Variants in KCNMB2 observed in about 807,000 individuals in gnomAD.
The protein encoded by KCNMB2 is potassium calcium-activated channel subfamily M regulatory beta subunit 2, also known as calcium-activated potassium channel subunit beta-2.
In KCNMB2, 9 loss-of-function variants were observed where a neutral mutation model predicts 24.5. The observed-to-expected ratio is 0.37, with a 90% CI of 0.22 to 0.64. The LOEUF is 0.64. Among genes scored for constraint, KCNMB2 ranks in the 30% least tolerant of loss-of-function variants. The pLI, the probability that KCNMB2 is intolerant of heterozygous loss-of-function variation, is 0.63. For synonymous variants in KCNMB2, 109 were observed against 104.4 expected (o/e 1.04, Z -0.27); for missense variants, 226 against 284.3 (o/e 0.79, Z 1.47).
intron 1 of KCNMB2, among the ~76,000 whole-genome samples, chr3:178,638,753 T>C (rs1034749164): frequency 2.0e-5 from 3 of 152,180 alleles, no homozygotes; most frequent in African/African-American, 7.2e-5. Context: ...TTTTCTTAGA[T>C]AGTAGAAAGA....
chr3:178,596,482 TA>T (rs1206884862), intron 1 of KCNMB2, among the ~76,000 whole-genome samples: 1 of 152,054 alleles, frequency 6.6e-6, no homozygotes, highest in Non-Finnish European at 1.5e-5. Context: ...AATGAACATA[TA>T]AATCCAAAGT....
chr3:178,814,512 G>A (rs957131936), intron 2 of KCNMB2, among the ~76,000 whole-genome samples: 2 of 152,134 alleles, frequency 1.3e-5, no homozygotes, highest in Admixed American at 6.5e-5. Context: ...TATGGTTGCT[G>A]GGTCAAATGG....
At chr3:178,756,918 C>A (rs1274740884) in intron 1 of KCNMB2, among the ~76,000 whole-genome samples, 1 of 151,796 alleles carries the variant, frequency 6.6e-6, no homozygotes, top group Non-Finnish European at 1.5e-5. Context: ...CTGGACAGCA[C>A]TTCAGCAGTA....
chr3:178,663,073 G>T (rs1720591826), intron 1 of KCNMB2, among the ~76,000 whole-genome samples: 1 of 152,128 alleles, frequency 6.6e-6, no homozygotes, highest in Non-Finnish European at 1.5e-5. Flanking sequence ...CTTATTCTGT[G>T]GGAGGGCTAG....
intron 1 of KCNMB2, among the ~76,000 whole-genome samples, chr3:178,746,422 T>C (rs1418042524): frequency 1.3e-5 from 2 of 152,104 alleles, no homozygotes; most frequent in Admixed American, 6.5e-5. Flanking sequence ...ATTTTCCTCC[T>C]AGGTCTCTGT....
intron 1 of KCNMB2, among the ~76,000 whole-genome samples, chr3:178,552,014 C>T (rs576624058): frequency 7.9e-5 from 12 of 152,284 alleles, no homozygotes; most frequent in African/African-American, 2.4e-4. Context: ...AGAGCTGCCA[C>T]ACCCAGAGCT....
Position 178,778,788 on chromosome 3 carries a change from G to A in KCNMB2, c.-67-28555G>A, listed in dbSNP as rs114061593. Among the ~76,000 whole-genome samples, 720 of 152,258 alleles carry A rather than the reference G, an allele frequency of 4.7e-3. 1 individual carries two copies. The highest frequency in any genetic ancestry group is 0.01 in the Middle Eastern group (3 of 294). ...GACTCCTGGCACCTGGCCACTGGGCGTTTCCTTACCACCACCTGCACAAGA... is the reference window on the plus strand; with the variant it reads ...GACTCCTGGCACCTGGCCACTGGGCATTTCCTTACCACCACCTGCACAAGA... On this transcript the variant is annotated intron_variant, in intron 1 of 4. Transcript: ENST00000452583.
At position 178,707,673 on chromosome 3, in the gene KCNMB2, C is replaced by T. The variant is rs145427033; in HGVS notation, c.-67-99670C>T. 2.5e-3 allele frequency among the ~76,000 whole-genome samples: 378 copies of T among 151,958 alleles called. 2 individuals carry two copies. The highest frequency in any genetic ancestry group is 7.9e-3 in the African/African-American group (328 of 41,396). ...CCCAGGCATAAGTAATTTTTAAAGG[C>T]GATGCTAATATGCAGCCAACAGTGA... is the stretch of plus-strand genomic sequence containing the variant. On this transcript the variant is annotated intron_variant, in intron 1 of 4. Transcript: ENST00000452583.
intron 1 of KCNMB2, among the ~76,000 whole-genome samples, chr3:178,792,228 A>G (rs7371788): frequency 0.14 from 21,424 of 152,224 alleles, 1,837 homozygotes; most frequent in Non-Finnish European, 0.18. Context: ...GAAATGACTA[A>G]AAGTTTAAAA....
chr3:178,539,678 C>T (rs759240988), intron 1 of KCNMB2, among the ~76,000 whole-genome samples: 7 of 152,046 alleles, frequency 4.6e-5, no homozygotes, highest in Middle Eastern at 3.2e-3. Context: ...CAGGGACTGA[C>T]TCCTACCTCT....
At chr3:178,573,096 G>A (rs191506744) in intron 1 of KCNMB2, among the ~76,000 whole-genome samples, 4 of 151,596 alleles carry the variant, frequency 2.6e-5, no homozygotes, top group East Asian at 3.9e-4. Flanking sequence ...TGCAACTTTC[G>A]CCTCCCGGGT....
chr3:178,594,295 T>C (rs1717786484), intron 1 of KCNMB2, among the ~76,000 whole-genome samples: 1 of 152,006 alleles, frequency 6.6e-6, no homozygotes, highest in African/African-American at 2.4e-5. Flanking sequence ...AGAATGTCTG[T>C]GAGAGTGAGA....
intron 2 of KCNMB2, chr3:178,824,414 C>A (rs1714750358): frequency 6.6e-6 from 1 of 152,218 alleles, no homozygotes; most frequent in Admixed American, 6.5e-5. Context: ...TTCACCCAGG[C>A]TGGAGTGCAG....
intron 1 of KCNMB2, among the ~76,000 whole-genome samples, chr3:178,618,518 T>C (rs1355000299): frequency 6.6e-6 from 1 of 152,214 alleles, no homozygotes; most frequent in African/African-American, 2.4e-5. Context: ...CATAGGGAGT[T>C]CTGACACTTT....
intron 1 of KCNMB2, among the ~76,000 whole-genome samples, chr3:178,612,911 GT>G (rs1326220793): frequency 9.2e-5 from 14 of 151,604 alleles, no homozygotes; most frequent in African/African-American, 3.4e-4. Context: ...TCTATTGTGT[GT>G]TTTTTTGGTT....
chr3:178,756,295 T>C (rs921482076), intron 1 of KCNMB2, among the ~76,000 whole-genome samples: 14 of 151,762 alleles, frequency 9.2e-5, no homozygotes, highest in Non-Finnish European at 2.1e-4. Flanking sequence ...AAAGTATGTA[T>C]ATGGGCAGTC....
intron 1 of KCNMB2, among the ~76,000 whole-genome samples, chr3:178,624,344 A>C (rs1719028721): frequency 6.6e-6 from 1 of 151,562 alleles, no homozygotes; most frequent in Non-Finnish European, 1.5e-5. Context: ...GGGATTTTTG[A>C]AAATACACAA....
chr3:178,700,856 G>T (rs529911751), intron 1 of KCNMB2, among the ~76,000 whole-genome samples: 4 of 151,744 alleles, frequency 2.6e-5, no homozygotes, highest in Non-Finnish European at 5.9e-5. Flanking sequence ...ATGGATATTA[G>T]CCCTTTGTCA....
At chr3:178,644,033 A>G (rs1719820510) in intron 1 of KCNMB2, among the ~76,000 whole-genome samples, 1 of 152,234 alleles carries the variant, frequency 6.6e-6, no homozygotes, top group Non-Finnish European at 1.5e-5. Flanking sequence ...AAACCAGCAC[A>G]TTAAATACTC....
Sources: gnomAD v4.1 joint callset for allele counts (sites outside exome capture counted in the v4.1 genomes callset) on GRCh38, gnomAD v4.1.1 for gene constraint, MANE v1.5 for transcripts, NCBI Gene and HGNC (gene_info 2026-07-23, HGNC 2026-07-21) for gene names.